The following CLSTN2 variants were observed in gnomAD, a reference collection of about 807,000 sequenced individuals.
CLSTN2 encodes calsyntenin 2.
A neutral mutation model predicts 101.2 loss-of-function variants in CLSTN2; 48 were observed. The observed-to-expected ratio is 0.47, with a 90% CI of 0.38 to 0.60. The LOEUF is 0.60. CLSTN2 is among the 20% of genes least tolerant of loss of function. The pLI is 0.00. For missense variants in CLSTN2, 1,160 were observed against 1,238.2 expected, an observed-to-expected ratio of 0.94 and a Z score of 0.95; for synonymous variants, 481 against 463.6, an observed-to-expected ratio of 1.04 and a Z score of -0.48.
At chr3:140,450,218 A>G (rs1332895086) in intron 6 of CLSTN2, among the ~76,000 whole-genome samples, 1 of 152,194 alleles carries the variant, frequency 6.6e-6, no homozygotes, top group Non-Finnish European at 1.5e-5. Flanking sequence ...TGACCTGTCT[A>G]AGGTCACACA....
intron 8 of CLSTN2, among the ~76,000 whole-genome samples, chr3:140,473,621 C>T (rs998358653): frequency 3.3e-5 from 5 of 152,150 alleles, no homozygotes; most frequent in Admixed American, 1.3e-4. Context: ...GGAAACGGAT[C>T]CTCCAGTACA....
intron 1 of CLSTN2, among the ~76,000 whole-genome samples, chr3:140,055,245 G>A (rs569354520): frequency 6.6e-6 from 1 of 152,172 alleles, no homozygotes; most frequent in East Asian, 1.9e-4. Context: ...TGCTTATCTT[G>A]TTTGCTTAAA....
intron 1 of CLSTN2, among the ~76,000 whole-genome samples, chr3:140,045,341 A>G (rs116124171): frequency 0.013 from 1,938 of 152,128 alleles, 48 homozygotes; most frequent in African/African-American, 0.042. Flanking sequence ...TCTGATGGTA[A>G]TCTGTATTTC....
intron 8 of CLSTN2, among the ~76,000 whole-genome samples, chr3:140,467,662 G>A (rs189309287): frequency 4.7e-4 from 71 of 151,982 alleles, no homozygotes; most frequent in African/African-American, 1.4e-3. Context: ...TCTTTACTTC[G>A]TCCAAAGCCC....
At chr3:140,076,823 C>A (rs1412382086) in intron 1 of CLSTN2, among the ~76,000 whole-genome samples, 1 of 151,918 alleles carries the variant, frequency 6.6e-6, no homozygotes, top group Non-Finnish European at 1.5e-5. Flanking sequence ...GGCCTCCCTA[C>A]CTTGACCAAG....
chr3:140,322,302 G>T (rs922778471), intron 2 of CLSTN2, among the ~76,000 whole-genome samples: 3 of 152,146 alleles, frequency 2.0e-5, no homozygotes, highest in Admixed American at 1.3e-4. Context: ...GCATCATTTG[G>T]GAGTCATTGA....
chr3:140,330,227 T>A (rs2087369497), intron 2 of CLSTN2, among the ~76,000 whole-genome samples: 1 of 152,238 alleles, frequency 6.6e-6, no homozygotes, highest in South Asian at 2.1e-4. Flanking sequence ...GTGCTCCATG[T>A]CATGACTCTT....
intron 6 of CLSTN2, chr3:140,453,284 T>C (rs540680907): frequency 1.3e-5 from 2 of 152,242 alleles, no homozygotes; most frequent in East Asian, 3.9e-4. Context: ...GCAGGTCCTG[T>C]TGAACAAAAG....
chr3:140,383,983 G>T (rs970075930), intron 2 of CLSTN2, among the ~76,000 whole-genome samples: 1 of 152,170 alleles, frequency 6.6e-6, no homozygotes, highest in African/African-American at 2.4e-5. Flanking sequence ...CTGGAAACGG[G>T]TTACATTTAG....
At chr3:140,026,959 C>A (rs1051896247) in intron 1 of CLSTN2, among the ~76,000 whole-genome samples, 5 of 152,328 alleles carry the variant, frequency 3.3e-5, no homozygotes, top group African/African-American at 1.2e-4. Context: ...AGATCCATAG[C>A]CTTACCCCAT....
intron 1 of CLSTN2, among the ~76,000 whole-genome samples, chr3:140,169,937 A>G (rs148762550): frequency 2.3e-3 from 346 of 152,304 alleles, no homozygotes; most frequent in African/African-American, 8.0e-3. Context: ...CTGAGAAATA[A>G]GTATCTTCAT....
At chr3:140,241,973 T>C (rs899831430) in intron 2 of CLSTN2, among the ~76,000 whole-genome samples, 3 of 151,644 alleles carry the variant, frequency 2.0e-5, no homozygotes, top group Non-Finnish European at 4.4e-5. Flanking sequence ...AATGGCACAG[T>C]CTTGGCTCAC....
intron 2 of CLSTN2, among the ~76,000 whole-genome samples, chr3:140,201,440 C>T (rs2010716511): frequency 6.6e-6 from 1 of 151,848 alleles, no homozygotes; most frequent in Admixed American, 6.6e-5. Flanking sequence ...AGCACTGGGA[C>T]AAAAATGCAG....
intron 1 of CLSTN2, among the ~76,000 whole-genome samples, chr3:140,118,836 C>T (rs1028617716): frequency 6.6e-6 from 1 of 152,192 alleles, no homozygotes; most frequent in African/African-American, 2.4e-5. Flanking sequence ...TAGAAAGGGG[C>T]TCCCCAAGTG....
At chr3:140,142,784 G>C (rs977360329) in intron 1 of CLSTN2, among the ~76,000 whole-genome samples, 2 of 152,196 alleles carry the variant, frequency 1.3e-5, no homozygotes, top group African/African-American at 4.8e-5. Flanking sequence ...GTGATCTAAA[G>C]TGATAAGCAC....
At chr3:140,190,534 G>A (rs189572012) in intron 2 of CLSTN2, among the ~76,000 whole-genome samples, 3 of 150,096 alleles carry the variant, frequency 2.0e-5, no homozygotes, top group East Asian at 2.0e-4. Flanking sequence ...ATCTTACCTC[G>A]TTGTGTCTTC....
At chr3:140,370,863 T>C (rs2087847445) in intron 2 of CLSTN2, among the ~76,000 whole-genome samples, 1 of 152,090 alleles carries the variant, frequency 6.6e-6, no homozygotes, top group Non-Finnish European at 1.5e-5. Context: ...AGCACACACA[T>C]GCCCCACCCT....
intron 1 of CLSTN2, among the ~76,000 whole-genome samples, chr3:140,155,018 C>T (rs2009932426): frequency 6.6e-6 from 1 of 152,142 alleles, no homozygotes; most frequent in African/African-American, 2.4e-5. Flanking sequence ...CCTCCCTTGA[C>T]ATGTGGGGAT....
At chr3:140,427,207 GTATATATATATATATATGTGTGTA>G (rs1559866720) in intron 5 of CLSTN2, among the ~76,000 whole-genome samples, 2,242 of 84,990 alleles carry the variant, frequency 0.026, 278 homozygotes, top group African/African-American at 0.16. Context: ...ATATATATGT[GTATATATATATATATATGTGTGTA>G]TATATATATA....
Sources: gnomAD v4.1 joint callset for allele counts (sites outside exome capture counted in the v4.1 genomes callset) on GRCh38, gnomAD v4.1.1 for gene constraint, MANE v1.5 for transcripts, NCBI Gene and HGNC (gene_info 2026-07-23, HGNC 2026-07-21) for gene names.